Variants in CALN1 observed in about 807,000 individuals in gnomAD.
CALN1 encodes calneuron 1, also known as calcium-binding protein 8.
Under a neutral mutation model 30.6 loss-of-function variants are expected in CALN1, and 17 were observed. The observed-to-expected ratio is 0.56, with a 90% CI of 0.38 to 0.83. The LOEUF (loss-of-function observed/expected upper bound fraction) is 0.83. Among genes scored for constraint, CALN1 ranks in the 40% least tolerant of loss-of-function variants. The pLI is 0.00. For missense variants in CALN1, 291 were observed against 354.9 expected (o/e 0.82, Z 1.45); for synonymous variants, 156 against 131.4 (o/e 1.19, Z -1.28).
chr7:72,029,693 G>A (rs1228345567), intron 4 of CALN1, among the ~76,000 whole-genome samples: 1 of 152,220 alleles, frequency 6.6e-6, no homozygotes, highest in East Asian at 1.9e-4. Flanking sequence ...GGTTCAGACA[G>A]TTTTCAGGTT....
chr7:72,024,090 A>C (rs910269319), intron 4 of CALN1, among the ~76,000 whole-genome samples: 2 of 152,196 alleles, frequency 1.3e-5, no homozygotes, highest in African/African-American at 4.8e-5. Context: ...CCAGTTGTAC[A>C]TGATGGAAGT....
intron 5 of CALN1, among the ~76,000 whole-genome samples, chr7:71,924,219 AG>A (rs1470265531): frequency 5.7e-5 from 7 of 122,864 alleles, no homozygotes; most frequent in African/African-American, 2.2e-4. Flanking sequence ...AAAAAAGATT[AG>A]GATTAGGATT....
intron 3 of CALN1, among the ~76,000 whole-genome samples, chr7:72,239,959 T>C (rs1446239909): frequency 1.3e-5 from 2 of 152,188 alleles, no homozygotes; most frequent in South Asian, 2.1e-4. Context: ...AGGATTTCTA[T>C]TCGACCATGC....
At chr7:72,318,334 C>T (rs1196708631) in intron 2 of CALN1, among the ~76,000 whole-genome samples, 1 of 152,174 alleles carries the variant, frequency 6.6e-6, no homozygotes, top group East Asian at 1.9e-4. Flanking sequence ...TACTACCAAC[C>T]TCTCCAATAG....
chr7:72,406,567 G>A (rs1306542114), intron 1 of CALN1, among the ~76,000 whole-genome samples: 1 of 151,566 alleles, frequency 6.6e-6, no homozygotes, highest in African/African-American at 2.4e-5. Context: ...CAGTCTTGAA[G>A]TTAGATCTCT....
chr7:72,296,542 C>CTGT (rs1491386945), intron 2 of CALN1, among the ~76,000 whole-genome samples: 4 of 149,710 alleles, frequency 2.7e-5, no homozygotes, highest in Non-Finnish European at 4.5e-5. Flanking sequence ...ATTTCAGCTC[C>CTGT]TGTTATTGGT....
intron 5 of CALN1, among the ~76,000 whole-genome samples, chr7:71,898,403 T>C (rs1481587029): frequency 6.6e-6 from 1 of 152,102 alleles, no homozygotes; most frequent in South Asian, 2.1e-4. Flanking sequence ...AGATTGGACA[T>C]GGCTGATAAA....
At chr7:71,908,023 T>C (rs1482116394) in intron 5 of CALN1, among the ~76,000 whole-genome samples, 1 of 152,224 alleles carries the variant, frequency 6.6e-6, no homozygotes, top group Non-Finnish European at 1.5e-5. Flanking sequence ...ACCAGATTAT[T>C]GTGGATTTTA....
At chr7:72,409,816 C>A (rs1158889451) in intron 1 of CALN1, among the ~76,000 whole-genome samples, 3 of 152,078 alleles carry the variant, frequency 2.0e-5, no homozygotes, top group African/African-American at 7.2e-5. Flanking sequence ...AAGGAACGTT[C>A]CCTCCCTTTT....
At chr7:72,360,522 A>T (rs1409853603) in intron 2 of CALN1, among the ~76,000 whole-genome samples, 1 of 151,818 alleles carries the variant, frequency 6.6e-6, no homozygotes, top group Non-Finnish European at 1.5e-5. Context: ...AACTGGCAAC[A>T]TTGGATGTCA....
chr7:72,026,422 C>CA (rs1483421620), intron 4 of CALN1, among the ~76,000 whole-genome samples: 3 of 152,020 alleles, frequency 2.0e-5, no homozygotes, highest in Non-Finnish European at 4.4e-5. Context: ...CCCATCTCTA[C>CA]AAAAAATACA....
At chr7:72,310,932 A>T (rs566463543) in intron 2 of CALN1, among the ~76,000 whole-genome samples, 9 of 151,392 alleles carry the variant, frequency 5.9e-5, no homozygotes, top group African/African-American at 1.7e-4. Context: ...AAAAAAACAA[A>T]AATAAAGAAG....
chr7:72,298,451 G>A (rs896310317), intron 2 of CALN1, among the ~76,000 whole-genome samples: 1 of 152,148 alleles, frequency 6.6e-6, no homozygotes, highest in African/African-American at 2.4e-5. Flanking sequence ...ACTCCTCAGT[G>A]CTCTAACTCA....
chr7:72,264,193 C>G (rs1796463382), intron 3 of CALN1, among the ~76,000 whole-genome samples: 1 of 152,192 alleles, frequency 6.6e-6, no homozygotes, highest in South Asian at 2.1e-4. Context: ...GGAAGTCCCT[C>G]TGCTCTAACC....
At chr7:72,096,676 T>A (rs1368350965) in intron 4 of CALN1, among the ~76,000 whole-genome samples, 1 of 152,194 alleles carries the variant, frequency 6.6e-6, no homozygotes, top group Non-Finnish European at 1.5e-5. Context: ...GTAGTGTGGT[T>A]GTGGAGAAAC....
At chr7:72,028,849 G>T (rs549166746) in intron 4 of CALN1, among the ~76,000 whole-genome samples, 4 of 152,020 alleles carry the variant, frequency 2.6e-5, no homozygotes, top group Non-Finnish European at 5.9e-5. Context: ...AAATTAGCTG[G>T]GTGTGGTGGT....
At chr7:72,007,055 C>T (rs1799808433) in intron 5 of CALN1, among the ~76,000 whole-genome samples, 1 of 152,180 alleles carries the variant, frequency 6.6e-6, no homozygotes, top group East Asian at 1.9e-4. Context: ...GACAGTTCTT[C>T]CTCACGTGTC....
intron 2 of CALN1, among the ~76,000 whole-genome samples, chr7:72,286,188 A>C (rs895910579): frequency 2.6e-5 from 4 of 151,836 alleles, no homozygotes; most frequent in Non-Finnish European, 5.9e-5. Flanking sequence ...TGTTTCAGGG[A>C]CTTAGGGATG....
chr7:71,875,545 G>A (rs1162456619), intron 5 of CALN1, among the ~76,000 whole-genome samples: 1 of 152,196 alleles, frequency 6.6e-6, no homozygotes, highest in East Asian at 1.9e-4. Context: ...TCAATTATGA[G>A]TCTGTGGCAG....
Sources: gnomAD v4.1 joint callset for allele counts (sites outside exome capture counted in the v4.1 genomes callset) on GRCh38, gnomAD v4.1.1 for gene constraint, MANE v1.5 for transcripts, NCBI Gene and HGNC (gene_info 2026-07-23, HGNC 2026-07-21) for gene names.